Variants in PDE1A observed in about 807,000 individuals in gnomAD.
The protein encoded by PDE1A is phosphodiesterase 1A.
A neutral mutation model predicts 61.7 loss-of-function variants in PDE1A; 35 were observed. The observed-to-expected ratio is 0.57, with a 90% CI of 0.43 to 0.75. The LOEUF (loss-of-function observed/expected upper bound fraction) is 0.75. PDE1A is among the 30% of genes least tolerant of loss of function. PDE1A has a pLI of 0.00. For missense variants in PDE1A, 597 were observed against 630.6 expected, an observed-to-expected ratio of 0.95 and a Z score of 0.57; for synonymous variants, 232 against 213.2, an observed-to-expected ratio of 1.09 and a Z score of -0.77.
At chr2:182,579,839 G>A in the PDE1A span, among the ~76,000 whole-genome samples, 14 of 152,104 alleles carry the variant, frequency 9.2e-5, no homozygotes, top group African/African-American at 3.4e-4. Context: ...TATAGGACTA[G>A]AAGAAACACA....
chr2:182,602,065 T>C, the PDE1A span, among the ~76,000 whole-genome samples: 2 of 152,214 alleles, frequency 1.3e-5, no homozygotes, highest in African/African-American at 4.8e-5. Flanking sequence ...CCTGCTGCCA[T>C]TCATGGTGCC....
chr2:182,593,585 G>C, the PDE1A span, among the ~76,000 whole-genome samples: 1 of 152,170 alleles, frequency 6.6e-6, no homozygotes, highest in Non-Finnish European at 1.5e-5. Context: ...TGTTGGATTT[G>C]AAAAAACTCC....
At chr2:182,499,036 G>A (rs1436290828) in intron 2 of PDE1A, among the ~76,000 whole-genome samples, 1 of 151,800 alleles carries the variant, frequency 6.6e-6, no homozygotes. Context: ...CACCCAGGCT[G>A]GAGTGCAACG....
At chr2:182,559,434 C>A in the PDE1A span, among the ~76,000 whole-genome samples, 2 of 152,094 alleles carry the variant, frequency 1.3e-5, no homozygotes, top group Admixed American at 6.5e-5. Context: ...ACTCTGACCA[C>A]AAAACATCCA....
chr2:182,601,253 G>T, the PDE1A span, among the ~76,000 whole-genome samples: 1 of 152,358 alleles, frequency 6.6e-6, no homozygotes, highest in East Asian at 1.9e-4. Flanking sequence ...GGCTGCTGCA[G>T]TGTGGCAGGC....
chr2:182,194,445 T>C (rs1224615405), intron 10 of PDE1A, among the ~76,000 whole-genome samples: 1 of 152,128 alleles, frequency 6.6e-6, no homozygotes, highest in Non-Finnish European at 1.5e-5. Context: ...AATCTACCCA[T>C]TACTGTCAGT....
At chr2:182,525,239 A>AT (rs568257840), upstream of PDE1A, among the ~76,000 whole-genome samples, 3 of 151,988 alleles carry the variant, frequency 2.0e-5, no homozygotes, top group Non-Finnish European at 2.9e-5. Flanking sequence ...ATATTACTTG[A>AT]TTTTTTTCCT....
the PDE1A span, among the ~76,000 whole-genome samples, chr2:182,671,742 C>T: frequency 1.1e-4 from 16 of 151,446 alleles, no homozygotes; most frequent in Non-Finnish European, 1.8e-4. Context: ...ACCTCAGCCT[C>T]CCAAGTAGCT....
At chr2:182,483,614 A>T (rs1687834008) in intron 2 of PDE1A, among the ~76,000 whole-genome samples, 1 of 151,826 alleles carries the variant, frequency 6.6e-6, no homozygotes, top group African/African-American at 2.4e-5. Flanking sequence ...TAAAAACACA[A>T]CTCATCAATG....
At chr2:182,324,568 C>T (rs1417916108) in intron 1 of PDE1A, among the ~76,000 whole-genome samples, 1 of 152,112 alleles carries the variant, frequency 6.6e-6, no homozygotes, top group Non-Finnish European at 1.5e-5. Context: ...GCCAAGCATA[C>T]TCTATGTTAG....
chr2:182,525,138 A>C (rs140188866), upstream of PDE1A, among the ~76,000 whole-genome samples: 1,193 of 152,272 alleles, frequency 7.8e-3, 8 homozygotes, highest in South Asian at 0.021. Context: ...GTGTTCATGC[A>C]CTGAATGAGT....
chr2:182,268,473 A>T (rs756713554), intron 1 of PDE1A, among the ~76,000 whole-genome samples: 1 of 152,126 alleles, frequency 6.6e-6, no homozygotes, highest in African/African-American at 2.4e-5. Context: ...ATATACATAT[A>T]TAATGCATGG....
chr2:182,317,868 A>T (rs1696447509), intron 1 of PDE1A, among the ~76,000 whole-genome samples: 1 of 152,176 alleles, frequency 6.6e-6, no homozygotes, highest in Non-Finnish European at 1.5e-5. Flanking sequence ...TAGACGGGGG[A>T]GAAAACAAAT....
At chr2:182,147,002 G>A, downstream of PDE1A, 1 of 919,098 alleles carries the variant, frequency 1.1e-6, no homozygotes, top group Non-Finnish European at 1.7e-6. Context: ...ATTTACTTTA[G>A]AAGTTAAGTT....
the PDE1A span, among the ~76,000 whole-genome samples, chr2:182,553,636 A>T: frequency 1.3e-5 from 2 of 152,248 alleles, no homozygotes; most frequent in Admixed American, 1.3e-4. Flanking sequence ...AAACGAAAAT[A>T]TGTACCAAAT....
chr2:182,619,626 T>C, the PDE1A span, among the ~76,000 whole-genome samples: 3 of 152,190 alleles, frequency 2.0e-5, no homozygotes, highest in Admixed American at 6.5e-5. Context: ...TATATCACTT[T>C]GAATTACCTA....
chr2:182,148,312 C>T (rs761960454), intron 13 of PDE1A, among the ~76,000 whole-genome samples: 5 of 152,128 alleles, frequency 3.3e-5, no homozygotes, highest in Non-Finnish European at 5.9e-5. Context: ...TGATGTTTCT[C>T]TCATTTCTTG....
chr2:182,499,308 C>T (rs2125912475), intron 2 of PDE1A, among the ~76,000 whole-genome samples: 1 of 151,772 alleles, frequency 6.6e-6, no homozygotes, highest in African/African-American at 2.4e-5. Context: ...TCCCAAGTAG[C>T]TGGGACTACA....
intron 1 of PDE1A, among the ~76,000 whole-genome samples, chr2:182,283,804 A>G (rs1693981289): frequency 6.6e-6 from 1 of 152,092 alleles, no homozygotes; most frequent in African/African-American, 2.4e-5. Flanking sequence ...ACAAAGGAGG[A>G]GGCTTTTCAT....
Sources: allele counts gnomAD v4.1 joint callset (sites outside exome capture counted in the v4.1 genomes callset), GRCh38; gene constraint gnomAD v4.1.1; transcripts MANE v1.5; gene names NCBI Gene and HGNC (gene_info 2026-07-23, HGNC 2026-07-21).